Variants in LY75 observed in about 807,000 individuals in gnomAD.
LY75 encodes the protein C-type lectin domain family 13 member B.
In LY75, 185 loss-of-function variants were observed where a neutral mutation model predicts 231.7. That is an observed-to-expected ratio of 0.80 (90% CI 0.71 to 0.90). The LOEUF (loss-of-function observed/expected upper bound fraction) is 0.90. Among genes scored for constraint, LY75 ranks in the 40% least tolerant of loss-of-function variants. LY75 has a pLI of 0.00. For synonymous variants in LY75, 668 were observed against 689.0 expected (o/e 0.97, Z 0.48); for missense variants, 1,947 against 2,050.2 (o/e 0.95, Z 0.97).
rs543729592 is a variant in LY75, at chr2:159,884,870, G to C, written c.1054+283C>G. 3.5e-4 allele frequency among the ~76,000 whole-genome samples: 54 copies of C among 152,232 alleles called. 1 individual carries two copies. The highest frequency in any genetic ancestry group is 3.4e-3 in the Middle Eastern group (1 of 294). Reference sequence around the variant, plus strand: ...GAGAACCACTGCTCTGGAGAAAAAAGAGCCACACACGAACAGAAGTATATT... The same window carrying C: ...GAGAACCACTGCTCTGGAGAAAAAACAGCCACACACGAACAGAAGTATATT... On this transcript the variant is annotated intron_variant, in intron 6 of 34. Transcript: ENST00000263636.
intron 25 of LY75, 125 bp downstream of exon 25, chr2:159,840,604 T>C (rs1426576705): frequency 5.7e-6 from 8 of 1,412,218 alleles, no homozygotes; most frequent in Non-Finnish European, 7.6e-6. Context: ...ACATATTCCA[T>C]GAAATTTACT....
At chr2:159,891,962 G>A (rs532258488) in intron 3 of LY75, among the ~76,000 whole-genome samples, 15 of 152,326 alleles carry the variant, frequency 9.8e-5, no homozygotes, top group African/African-American at 3.6e-4. Flanking sequence ...ATCAATTATA[G>A]CTGAAGAAAA....
At chr2:159,851,287 A>T (rs539526859) in intron 21 of LY75, among the ~76,000 whole-genome samples, 1 of 152,128 alleles carries the variant, frequency 6.6e-6, no homozygotes, top group Non-Finnish European at 1.5e-5. Context: ...CCTTTTTCAC[A>T]TTATGATCAC....
intron 28 of LY75, among the ~76,000 whole-genome samples, chr2:159,828,921 T>C (rs1264320049): frequency 2.0e-5 from 3 of 152,198 alleles, no homozygotes; most frequent in African/African-American, 7.2e-5. Context: ...TGGTATGATT[T>C]CATTTATGTA....
chr2:159,808,431 T>TA lies in LY75; in HGVS notation c.4822+17dup, dbSNP rs752811553. 2 of 1,613,578 alleles carry TA rather than the reference T, an allele frequency of 1.2e-6. No homozygotes were observed. The highest frequency in any genetic ancestry group is 3.3e-5 in the Admixed American group (2 of 60,006). On this transcript the variant is annotated intron_variant, in intron 33 of 34. Coordinates refer to ENST00000263636, the MANE Select transcript of LY75 (RefSeq NM_002349.4). ...TAGAACTCTCTTTGCACACTACACA[T>TA]ACAATTATTTCACTTACCAACAGAA...
intron 31 of LY75, among the ~76,000 whole-genome samples, chr2:159,815,120 C>A (rs1009219176): frequency 4.6e-5 from 7 of 151,904 alleles, no homozygotes; most frequent in Non-Finnish European, 1.0e-4. Flanking sequence ...CCCGCCTCAG[C>A]CTCCTGACTA....
intron 28 of LY75, among the ~76,000 whole-genome samples, chr2:159,831,250 G>C (rs1299505035): frequency 6.6e-6 from 1 of 152,046 alleles, no homozygotes; most frequent in African/African-American, 2.4e-5. Flanking sequence ...AAAGTGTGTA[G>C]CACCTCCTCC....
At chr2:159,863,671 G>A (rs1684778232) in intron 14 of LY75, among the ~76,000 whole-genome samples, 1 of 152,094 alleles carries the variant, frequency 6.6e-6, no homozygotes, top group Non-Finnish European at 1.5e-5. Context: ...AGTTGTTTGA[G>A]TTCCTTATCT....
chr2:159,842,278 G>A lies in LY75; in HGVS notation c.3247C>T (p.Arg1083Cys), dbSNP rs201587516. The A allele has an allele frequency of 1.0e-4, 161 of 1,611,932 alleles. 1 individual carries two copies. Among genetic ancestry groups the A allele is most frequent in the East Asian group, 2.9e-4 (13 of 44,778 alleles). ...GTWNFTSCSE[R>C]HFVSLCQKYS... is the part of the protein sequence containing the mutation. Reference sequence around the variant, plus strand: ...TTCTGACAGAGAGACACAAAGTGGCGTTCACTGCAGGATGTAAAATTCCAC... The same window carrying A: ...TTCTGACAGAGAGACACAAAGTGGCATTCACTGCAGGATGTAAAATTCCAC... The change falls in exon 24 of 35, where the codon CGC (arginine) becomes TGC (cysteine). Residue 1083 changes from arginine (R) to cysteine (C), a missense_variant. Physicochemically the swap from Arg to Cys is radical, Grantham distance 180. Transcript: ENST00000263636.
chr2:159,876,282 T>G (rs67017730), intron 11 of LY75, among the ~76,000 whole-genome samples: 56,372 of 151,934 alleles, frequency 0.37, 13,063 homozygotes, highest in Non-Finnish European at 0.52. Flanking sequence ...AATGGTAGAG[T>G]TGGGGTTGAA....
chr2:159,825,175 T>C (rs942964379), intron 28 of LY75, among the ~76,000 whole-genome samples: 5 of 151,950 alleles, frequency 3.3e-5, no homozygotes, highest in African/African-American at 9.7e-5. Flanking sequence ...CAGGAGCTGG[T>C]TTTTGAAAAG....
Position 159,894,016 on chromosome 2 carries a change from A to G in LY75, c.535T>C (p.Trp179Arg). 1 of 1,613,948 alleles carries G rather than the reference A, an allele frequency of 6.2e-7. No individual in the cohort carries two copies. Among genetic ancestry groups the G allele is most frequent in the Non-Finnish European group, 8.5e-7 (1 of 1,179,870 alleles). The part of the protein sequence containing the change: ...CEFPFLIDGT[W>R]HHDCILDEDH... ...TCATCAAGAATGCAATCATGATGCCAGGTCCCATCAATTAAGAATGGAAAT... is the reference window on the plus strand; with the variant it reads ...TCATCAAGAATGCAATCATGATGCCGGGTCCCATCAATTAAGAATGGAAAT... Residue 179 changes from tryptophan to arginine, a missense_variant, in exon 3 of 35, where the codon TGG becomes CGG. Trp to Arg is a moderately radical substitution (Grantham distance 101). Coordinates refer to ENST00000263636, the MANE Select transcript of LY75 (RefSeq NM_002349.4).
At chr2:159,879,412 T>G in intron 8 of LY75, 43 bp from the exon 9 acceptor site, 1 of 1,609,608 alleles carries the variant, frequency 6.2e-7, no homozygotes, top group South Asian at 1.1e-5. Flanking sequence ...AGGAAATTAT[T>G]TACCGCATAT....
Position 159,893,913 on chromosome 2 carries a change from C to T in LY75, c.637+1G>A. On this transcript the variant is annotated splice_donor_variant, in intron 3 of 34. Coordinates refer to ENST00000263636, the MANE Select transcript of LY75 (RefSeq NM_002349.4). LOFTEE classifies it high-confidence loss of function. Reference sequence around the variant, plus strand: ...CATAAAATTTACCAGCCCATACATACCAGGCTTTAAGCAGATGCCCCACTT... The same window carrying T: ...CATAAAATTTACCAGCCCATACATATCAGGCTTTAAGCAGATGCCCCACTT... 1 of 1,607,054 alleles carries T rather than the reference C, an allele frequency of 6.2e-7. No homozygotes were observed. Among genetic ancestry groups the T allele is most frequent in the Non-Finnish European group, 8.5e-7 (1 of 1,176,724 alleles).
chr2:159,898,941 G>C lies in LY75; in HGVS notation c.213C>G (p.Ser71=), dbSNP rs1317003887. The change falls in exon 2 of 35, where the codon TCC becomes TCG. Residue 71 remains serine (S), a synonymous_variant. Coordinates refer to ENST00000263636, the MANE Select transcript of LY75 (RefSeq NM_002349.4). ...ETEDKLWKWV[S]QHRLFHLHSQ... ...AGTGCAAATGAAAGAGCCGATGCTG[G>C]GACACCCACTTCCATAACTTGTCCT... 1 of 1,614,094 alleles carries C rather than the reference G, an allele frequency of 6.2e-7. No homozygotes were observed. Among genetic ancestry groups the C allele is most frequent in the African/African-American group, 1.3e-5 (1 of 74,918 alleles).
intron 1 of LY75, among the ~76,000 whole-genome samples, chr2:159,900,535 T>C (rs1686043623): frequency 6.6e-6 from 1 of 152,200 alleles, no homozygotes; most frequent in Admixed American, 6.5e-5. Flanking sequence ...CAGTCACTGG[T>C]TTCACTAACA....
chr2:159,891,581 A>G (rs112685155), intron 3 of LY75, among the ~76,000 whole-genome samples: 10 of 152,234 alleles, frequency 6.6e-5, no homozygotes, highest in African/African-American at 2.2e-4. Flanking sequence ...TTCTTCCATA[A>G]AAAGTAACTC....
At chr2:159,853,843 C>A in intron 18 of LY75, 146 bp from the exon 19 acceptor site, 3 of 1,067,980 alleles carry the variant, frequency 2.8e-6, no homozygotes, top group Admixed American at 2.5e-5. Flanking sequence ...AAACTAGAAC[C>A]TTTTGCCAAA....
At chr2:159,844,599 A>G (rs539616318) in intron 23 of LY75, among the ~76,000 whole-genome samples, 1 of 152,178 alleles carries the variant, frequency 6.6e-6, no homozygotes, top group Non-Finnish European at 1.5e-5. Context: ...AGGTAACTAT[A>G]GGAACGAGGG....
Sources: gnomAD v4.1 joint callset for allele counts (sites outside exome capture counted in the v4.1 genomes callset) on GRCh38, gnomAD v4.1.1 for gene constraint, MANE v1.5 for transcripts, NCBI Gene and HGNC (gene_info 2026-07-23, HGNC 2026-07-21) for gene names.